LDLRAD4: variants seen among roughly 807,000 people sequenced by gnomAD.
LDLRAD4 encodes low-density lipoprotein receptor class A domain-containing protein 4.
In LDLRAD4, 5 loss-of-function variants were observed where a neutral mutation model predicts 17.0. That is an observed-to-expected ratio of 0.29 (90% confidence interval 0.15 to 0.62). The LOEUF (loss-of-function observed/expected upper bound fraction) is 0.62. Among genes scored for constraint, LDLRAD4 ranks in the 20% least tolerant of loss-of-function variants. The pLI is 0.84. For synonymous variants in LDLRAD4, 168 were observed against 171.8 expected (o/e 0.98, Z 0.17); for missense variants, 340 against 424.7 (o/e 0.80, Z 1.75).
At chr18:13,255,731 G>T (rs2043468177) in intron 1 of LDLRAD4, among the ~76,000 whole-genome samples, 1 of 152,138 alleles carries the variant, frequency 6.6e-6, no homozygotes, top group African/African-American at 2.4e-5. Context: ...CCTAGGGACG[G>T]CTCCCCAGGC....
upstream of LDLRAD4, chr18:13,217,959 C>G (rs1307655930): frequency 6.7e-6 from 1 of 148,266 alleles, no homozygotes; most frequent in East Asian, 2.0e-4. This position sits in a 1 kb window ranked among gnomAD's most constrained non-coding sequence, Gnocchi z 4.9. Context: ...AACCCCGGCG[C>G]GCCGCGCTCC....
chr18:13,309,259 A>G (rs2047090333), intron 1 of LDLRAD4, among the ~76,000 whole-genome samples: 1 of 152,194 alleles, frequency 6.6e-6, no homozygotes, highest in Non-Finnish European at 1.5e-5. Flanking sequence ...GAGCTGGGGT[A>G]CGGTTCTTAG....
chr18:13,339,784 A>G (rs758047122), intron 1 of LDLRAD4, among the ~76,000 whole-genome samples: 6 of 152,214 alleles, frequency 3.9e-5, no homozygotes, highest in Non-Finnish European at 5.9e-5. Flanking sequence ...GTAGTAAAAT[A>G]TATATAACAT....
intron 1 of LDLRAD4, among the ~76,000 whole-genome samples, chr18:13,251,545 A>G (rs892578941): frequency 2.0e-5 from 3 of 152,242 alleles, no homozygotes; most frequent in Non-Finnish European, 2.9e-5. Context: ...CAAAATCACC[A>G]TACAAAAATC....
chr18:13,645,719 C>T lies in LDLRAD4; in HGVS notation c.*62C>T. The T allele has an allele frequency of 7.6e-7, 1 of 1,317,008 alleles. No individual in the cohort carries two copies. Among genetic ancestry groups the T allele is most frequent in the Non-Finnish European group, 1.0e-6 (1 of 962,222 alleles). The allele number at this position is 1,317,008 out of a possible 1,614,324, so 81.6% of individuals were successfully genotyped here. A position where few individuals can be genotyped will look rare whatever the true frequency, so the allele number is the denominator to read the frequency against. On this transcript the variant is annotated 3_prime_UTR_variant, in exon 6 of 6. Coordinates refer to ENST00000359446, the Ensembl canonical transcript of LDLRAD4. The surrounding 1 kb of genome is among the most constrained non-coding windows in gnomAD (Gnocchi z 5.7). The stretch of plus-strand genomic sequence containing the variant: ...CAAGAAGGGAAGCGGCCGCTGGGCC[C>T]CTCCTGCGCACAGTGTTGTTCAGTT...
At chr18:13,573,679 C>T (rs1468456510) in intron 3 of LDLRAD4, among the ~76,000 whole-genome samples, 1 of 152,246 alleles carries the variant, frequency 6.6e-6, no homozygotes, top group African/African-American at 2.4e-5. Flanking sequence ...CATAAGCCAA[C>T]AAGCATTGGA....
intron 3 of LDLRAD4, among the ~76,000 whole-genome samples, chr18:13,541,617 T>A (rs1462398134): frequency 1.3e-5 from 2 of 152,222 alleles, no homozygotes; most frequent in Admixed American, 6.5e-5. Context: ...TTTCTACTAA[T>A]AATTAAAATA....
chr18:13,603,830 G>A (rs900231556), intron 3 of LDLRAD4, among the ~76,000 whole-genome samples: 1 of 152,244 alleles, frequency 6.6e-6, no homozygotes, highest in South Asian at 2.1e-4. Flanking sequence ...GTGAAGCAGG[G>A]ACAGCAGGGA....
intron 1 of LDLRAD4, among the ~76,000 whole-genome samples, chr18:13,283,115 C>A (rs1567965474): frequency 6.6e-6 from 1 of 152,226 alleles, no homozygotes; most frequent in Non-Finnish European, 1.5e-5. Flanking sequence ...GCCCACAAAA[C>A]CACTTTTTCT....
chr18:13,635,910 G>A (rs913519067), intron 4 of LDLRAD4, among the ~76,000 whole-genome samples: 2 of 150,192 alleles, frequency 1.3e-5, no homozygotes, highest in Admixed American at 6.7e-5. Context: ...CCAAGTGTAC[G>A]CAGCAGAGAA....
chr18:13,426,760 G>A (rs2089968254), intron 2 of LDLRAD4, among the ~76,000 whole-genome samples: 1 of 152,226 alleles, frequency 6.6e-6, no homozygotes, highest in Admixed American at 6.5e-5. Flanking sequence ...TTCTCCTGCA[G>A]TAGAACATCC....
At chr18:13,567,523 C>T (rs943542163) in intron 3 of LDLRAD4, among the ~76,000 whole-genome samples, 10 of 152,188 alleles carry the variant, frequency 6.6e-5, no homozygotes, top group Admixed American at 1.3e-4. Flanking sequence ...ATTAAACACC[C>T]TCAAGCTGTT....
intron 3 of LDLRAD4, among the ~76,000 whole-genome samples, chr18:13,603,337 C>G (rs2095185715): frequency 6.6e-6 from 1 of 152,198 alleles, no homozygotes; most frequent in African/African-American, 2.4e-5. Flanking sequence ...AAGTAAAATT[C>G]ATTCCTCGAG....
intron 1 of LDLRAD4, among the ~76,000 whole-genome samples, chr18:13,373,977 T>C (rs1298964960): frequency 6.6e-6 from 1 of 152,194 alleles, no homozygotes; most frequent in Non-Finnish European, 1.5e-5. Context: ...TTTCTAAATA[T>C]TTCACATATT....
At chr18:13,495,917 G>A (rs1465478898) in intron 3 of LDLRAD4, among the ~76,000 whole-genome samples, 6 of 152,134 alleles carry the variant, frequency 3.9e-5, no homozygotes, top group African/African-American at 9.7e-5. Context: ...TCCAGCTGCC[G>A]GGCCCTTGTG....
intron 3 of LDLRAD4, among the ~76,000 whole-genome samples, chr18:13,528,460 G>A (rs1489667445): frequency 6.6e-6 from 1 of 152,118 alleles, no homozygotes. Context: ...TTACAGATGT[G>A]CACCACCACG....
intron 1 of LDLRAD4, among the ~76,000 whole-genome samples, chr18:13,341,963 T>C (rs2082395194): frequency 6.6e-6 from 1 of 152,158 alleles, no homozygotes; most frequent in Non-Finnish European, 1.5e-5. Flanking sequence ...TTGAATTTTG[T>C]CAAATGATTT....
chr18:13,234,570 C>G (rs1239155975), intron 1 of LDLRAD4, among the ~76,000 whole-genome samples: 12 of 152,224 alleles, frequency 7.9e-5, no homozygotes, highest in Admixed American at 7.9e-4. Flanking sequence ...GGACTCCTCC[C>G]TTCTGCCAAC....
intron 1 of LDLRAD4, among the ~76,000 whole-genome samples, chr18:13,260,948 T>C (rs1251148178): frequency 6.6e-6 from 1 of 152,218 alleles, no homozygotes; most frequent in African/African-American, 2.4e-5. Flanking sequence ...TTTCTTCCAT[T>C]TGTTGGGACT....
Sources: allele counts gnomAD v4.1 joint callset (sites outside exome capture counted in the v4.1 genomes callset), GRCh38; gene constraint gnomAD v4.1.1; non-coding constraint Gnocchi (gnomAD v3.1); transcripts MANE v1.5; gene names NCBI Gene and HGNC (gene_info 2026-07-23, HGNC 2026-07-21).